Variants in NALF1 observed in about 807,000 individuals in gnomAD.
NALF1 encodes NALCN channel auxiliary factor 1.
Under a neutral mutation model 48.4 loss-of-function variants are expected in NALF1, and 3 were observed. The ratio of observed to expected loss-of-function variants is 0.06; its 90% CI spans 0.03 to 0.16. The LOEUF (loss-of-function observed/expected upper bound fraction) is 0.16. Among genes scored for constraint, NALF1 ranks in the 10% least tolerant of loss-of-function variants. The probability of loss-of-function intolerance (pLI) is 1.00; values close to 1 mark genes in which losing one functional copy is unlikely to be tolerated. For synonymous variants in NALF1, 262 were observed against 245.7 expected, an observed-to-expected ratio of 1.07 and a Z score of -0.62; for missense variants, 526 against 571.5, an observed-to-expected ratio of 0.92 and a Z score of 0.81.
chr13:107,666,775 A>T (rs1338682965), intron 1 of NALF1, among the ~76,000 whole-genome samples: 1 of 151,714 alleles, frequency 6.6e-6, no homozygotes, highest in Non-Finnish European at 1.5e-5. Flanking sequence ...CATTGCCCCC[A>T]TAATTTTTTT....
chr13:107,417,795 T>C (rs1884116413), intron 1 of NALF1, among the ~76,000 whole-genome samples: 1 of 152,210 alleles, frequency 6.6e-6, no homozygotes, highest in Admixed American at 6.5e-5. Flanking sequence ...GCGCAGTTGC[T>C]TACATCTGTA....
chr13:107,275,475 C>A (rs944493126), intron 1 of NALF1, among the ~76,000 whole-genome samples: 1 of 152,106 alleles, frequency 6.6e-6, no homozygotes, highest in Non-Finnish European at 1.5e-5. Context: ...GGACCCTCAC[C>A]CAATTATTAG....
chr13:107,495,233 T>C (rs1875289975), intron 1 of NALF1, among the ~76,000 whole-genome samples: 1 of 151,386 alleles, frequency 6.6e-6, no homozygotes, highest in African/African-American at 2.4e-5. Flanking sequence ...CTACAAACAA[T>C]TGTGCTTTTT....
At chr13:107,261,744 C>T (rs1880931466) in intron 1 of NALF1, among the ~76,000 whole-genome samples, 1 of 152,114 alleles carries the variant, frequency 6.6e-6, no homozygotes, top group African/African-American at 2.4e-5. Flanking sequence ...GGGGCAGTAG[C>T]CACTGATTAA....
intron 2 of NALF1, among the ~76,000 whole-genome samples, chr13:107,196,537 GC>G (rs904222459): frequency 3.9e-5 from 6 of 152,180 alleles, no homozygotes; most frequent in Non-Finnish European, 8.8e-5. Flanking sequence ...CCTGCCACTT[GC>G]CACAATGTGG....
At chr13:107,644,634 C>CATAA (rs1880255762) in intron 1 of NALF1, among the ~76,000 whole-genome samples, 1 of 52,446 alleles carries the variant, frequency 1.9e-5, no homozygotes, top group Non-Finnish European at 4.1e-5. Context: ...TGTATACATA[C>CATAA]ATACATACAT....
rs373357012 is a variant in NALF1, at chr13:107,473,476, C to T, written c.916-262721G>A. On this transcript the variant is annotated intron_variant, in intron 1 of 2. Transcript: ENST00000375915. ...GCAAGGTCAGCATTTTAATTACTCT[C>T]TAAGTCACCCAAGATACAGTTATAT... Among the ~76,000 whole-genome samples, 16 of 152,190 alleles carry T rather than the reference C, an allele frequency of 1.1e-4. 1 individual carries two copies. Among genetic ancestry groups the T allele is most frequent in the African/African-American group, 3.6e-4 (15 of 41,450 alleles).
At chr13:107,419,051 G>A (rs535071823) in intron 1 of NALF1, among the ~76,000 whole-genome samples, 1 of 152,190 alleles carries the variant, frequency 6.6e-6, no homozygotes, top group South Asian at 2.1e-4. Context: ...TAAATAATAT[G>A]ACAGCATCAG....
At chr13:107,337,663 C>T (rs1252141388) in intron 1 of NALF1, among the ~76,000 whole-genome samples, 3 of 152,054 alleles carry the variant, frequency 2.0e-5, no homozygotes, top group African/African-American at 7.2e-5. Context: ...CTGAAAAAGT[C>T]AAGAGCTGGG....
intron 2 of NALF1, among the ~76,000 whole-genome samples, chr13:107,180,628 T>C (rs1879041370): frequency 6.6e-6 from 1 of 151,866 alleles, no homozygotes; most frequent in Non-Finnish European, 1.5e-5. Flanking sequence ...TGAAGATGCA[T>C]ATATATACAC....
chr13:107,622,396 G>A (rs565765553), intron 1 of NALF1, among the ~76,000 whole-genome samples: 5 of 151,424 alleles, frequency 3.3e-5, no homozygotes, highest in African/African-American at 1.2e-4. Flanking sequence ...AGCCGAGATC[G>A]CACCGTTGCA....
At chr13:107,500,828 A>T (rs1000211735) in intron 1 of NALF1, among the ~76,000 whole-genome samples, 6 of 152,004 alleles carry the variant, frequency 3.9e-5, no homozygotes, top group Non-Finnish European at 2.9e-5. Flanking sequence ...ATTGGAAATC[A>T]TCATTCTCAG....
At chr13:107,294,663 A>G (rs1370809760) in intron 1 of NALF1, among the ~76,000 whole-genome samples, 1 of 152,350 alleles carries the variant, frequency 6.6e-6, no homozygotes, top group South Asian at 2.1e-4. Context: ...ACTGAGGCAA[A>G]GAGAGCCCGA....
intron 1 of NALF1, among the ~76,000 whole-genome samples, chr13:107,795,074 A>G (rs1209104884): frequency 2.6e-5 from 4 of 152,206 alleles, no homozygotes; most frequent in African/African-American, 9.6e-5. Flanking sequence ...GTAATTGTAA[A>G]AAAGAATACA....
In NALF1 at chr13:107,607,928, G is replaced by A. The variant is rs766514638; in HGVS notation, c.915+257754C>T. 3.9e-5 allele frequency among the ~76,000 whole-genome samples: 6 copies of A among 152,286 alleles called. No homozygotes were observed. In the East Asian group the frequency reaches 5.8e-4, roughly 15 times the overall value. ...TTCCCCTAATCTTCCTCTACAGAAG[G>A]ATGAGCGTTCTGTCATGGACTTCAC... On this transcript the variant is annotated intron_variant, in intron 1 of 2. Transcript: ENST00000375915.
intron 1 of NALF1, among the ~76,000 whole-genome samples, chr13:107,388,450 T>C (rs1477853605): frequency 6.6e-6 from 1 of 152,232 alleles, no homozygotes; most frequent in Non-Finnish European, 1.5e-5. Flanking sequence ...CTTATTCATA[T>C]GTTTGTCCCA....
At chr13:107,792,106 A>T (rs538440051) in intron 1 of NALF1, among the ~76,000 whole-genome samples, 1 of 152,312 alleles carries the variant, frequency 6.6e-6, no homozygotes, top group African/African-American at 2.4e-5. Flanking sequence ...GCTCTGAGGA[A>T]GCTTGGGTTG....
At chr13:107,782,321 C>T (rs1877916598) in intron 1 of NALF1, among the ~76,000 whole-genome samples, 1 of 152,220 alleles carries the variant, frequency 6.6e-6, no homozygotes, top group South Asian at 2.1e-4. Context: ...TCCGGAGGTG[C>T]CAGGATTGCA....
chr13:107,464,364 A>C (rs1884966239), intron 1 of NALF1, among the ~76,000 whole-genome samples: 1 of 152,192 alleles, frequency 6.6e-6, no homozygotes, highest in Non-Finnish European at 1.5e-5. Context: ...TATGGATTTT[A>C]GAAGGGGGCA....
Sources: gnomAD v4.1 joint callset for allele counts (sites outside exome capture counted in the v4.1 genomes callset) on GRCh38, gnomAD v4.1.1 for gene constraint, MANE v1.5 for transcripts, NCBI Gene and HGNC (gene_info 2026-07-23, HGNC 2026-07-21) for gene names.